Variants in UBE2E3 observed in about 807,000 individuals in gnomAD.
UBE2E3 encodes the protein ubiquitin-conjugating enzyme E2 E3.
Under a neutral mutation model 23.6 loss-of-function variants are expected in UBE2E3, and 5 were observed. The observed-to-expected ratio is 0.21, with a 90% CI of 0.11 to 0.44. The LOEUF is 0.44. Among genes scored for constraint, UBE2E3 ranks in the 20% least tolerant of loss-of-function variants. UBE2E3 has a pLI of 0.99. For synonymous variants in UBE2E3, 78 were observed against 87.5 expected, an observed-to-expected ratio of 0.89 and a Z score of 0.60; for missense variants, 81 against 249.8, an observed-to-expected ratio of 0.32 and a Z score of 4.55.
intron 3 of UBE2E3, among the ~76,000 whole-genome samples, chr2:181,022,983 G>C (rs1685756021): frequency 6.6e-6 from 1 of 152,230 alleles, no homozygotes; most frequent in Admixed American, 6.5e-5. Flanking sequence ...TAATAAACCA[G>C]ATAGTCCCCG....
At chr2:180,983,376 TC>T (rs1684361762) in intron 2 of UBE2E3, among the ~76,000 whole-genome samples, 1 of 152,330 alleles carries the variant, frequency 6.6e-6, no homozygotes, top group African/African-American at 2.4e-5. Flanking sequence ...AGTTTTGAAA[TC>T]ATCTTAAATT....
chr2:181,018,259 C>T (rs1685556977), intron 3 of UBE2E3, among the ~76,000 whole-genome samples: 1 of 152,068 alleles, frequency 6.6e-6, no homozygotes, highest in Non-Finnish European at 1.5e-5. Context: ...GAGATTCTGT[C>T]CACCTTGGAG....
At chr2:181,010,429 C>G (rs1029132433) in intron 3 of UBE2E3, among the ~76,000 whole-genome samples, 1 of 152,094 alleles carries the variant, frequency 6.6e-6, no homozygotes, top group Non-Finnish European at 1.5e-5. Context: ...CTTATTGCAG[C>G]TGGCAGCATG....
intron 3 of UBE2E3, among the ~76,000 whole-genome samples, chr2:181,006,435 C>T (rs950499536): frequency 2.6e-5 from 4 of 151,108 alleles, no homozygotes; most frequent in Admixed American, 1.3e-4. Flanking sequence ...AAGGATACTA[C>T]TTCTGGATCT....
chr2:180,987,527 A>C, intron 3 of UBE2E3: 1 of 1,071,456 alleles, frequency 9.3e-7, no homozygotes, highest in Non-Finnish European at 1.3e-6. Context: ...TGTATTAATA[A>C]ATAGTTTCTT....
chr2:181,060,514 C>A, intron 4 of UBE2E3, 151 bp from the exon 5 acceptor site: 2 of 877,098 alleles, frequency 2.3e-6, no homozygotes, highest in Non-Finnish European at 3.1e-6. Flanking sequence ...GAGTCAAAAG[C>A]ATTTAATTTT....
chr2:181,009,389 C>T (rs1685248818), intron 3 of UBE2E3, among the ~76,000 whole-genome samples: 1 of 151,964 alleles, frequency 6.6e-6, no homozygotes, highest in African/African-American at 2.4e-5. Flanking sequence ...AGTTTTTACC[C>T]ATTCACATGC....
intron 3 of UBE2E3, among the ~76,000 whole-genome samples, chr2:181,050,551 AGT>A (rs1372501242): frequency 6.6e-6 from 1 of 151,948 alleles, no homozygotes; most frequent in Non-Finnish European, 1.5e-5. Flanking sequence ...AATCACCTTT[AGT>A]ACGTGATTAG....
intron 3 of UBE2E3, among the ~76,000 whole-genome samples, chr2:181,035,954 C>T (rs576297899): frequency 6.6e-6 from 1 of 152,214 alleles, no homozygotes; most frequent in Admixed American, 6.5e-5. Context: ...AGTAAGCCTC[C>T]AATGTGGTAA....
At chr2:181,025,403 A>ATT (rs11456321) in intron 3 of UBE2E3, among the ~76,000 whole-genome samples, 1 of 151,534 alleles carries the variant, frequency 6.6e-6, no homozygotes, top group Non-Finnish European at 1.5e-5. Flanking sequence ...GATATTATCT[A>ATT]TTTTTTCCCT....
chr2:181,026,250 A>G (rs990948433), intron 3 of UBE2E3, among the ~76,000 whole-genome samples: 6 of 151,938 alleles, frequency 3.9e-5, no homozygotes, highest in Non-Finnish European at 8.8e-5. Context: ...CAGAAAAACC[A>G]GTTGTTTAGT....
At chr2:181,022,666 A>G (rs1209904516) in intron 3 of UBE2E3, among the ~76,000 whole-genome samples, 1 of 152,002 alleles carries the variant, frequency 6.6e-6, no homozygotes, top group Admixed American at 6.5e-5. Context: ...ATTTCAAACA[A>G]TGAAATTACT....
intron 3 of UBE2E3, among the ~76,000 whole-genome samples, chr2:181,034,549 G>C (rs1245873958): frequency 6.6e-6 from 1 of 152,144 alleles, no homozygotes; most frequent in Non-Finnish European, 1.5e-5. Context: ...AGCGGGGAGA[G>C]ATAGCATTAG....
intron 4 of UBE2E3, 95 bp from the exon 5 acceptor site, chr2:181,060,570 A>G (rs1159814701): frequency 2.7e-6 from 3 of 1,124,920 alleles, no homozygotes; most frequent in Non-Finnish European, 2.4e-6. Context: ...ATAATTTAGT[A>G]TCATCTATGA....
intron 3 of UBE2E3, among the ~76,000 whole-genome samples, chr2:181,004,605 T>C (rs6717895): frequency 0.23 from 35,318 of 151,966 alleles, 4,472 homozygotes; most frequent in Non-Finnish European, 0.28. Context: ...CGCACCCCAG[T>C]CTGGCGAAGA....
chr2:181,012,662 G>A (rs1158217683), intron 3 of UBE2E3, among the ~76,000 whole-genome samples: 1 of 152,156 alleles, frequency 6.6e-6, no homozygotes, highest in Non-Finnish European at 1.5e-5. Flanking sequence ...AGTATATTCT[G>A]TGTAAACTAA....
At position 180,996,311 on chromosome 2, in the gene UBE2E3, GA is replaced by G. The variant is rs1470631937; in HGVS notation, c.245+12219del. Among the ~76,000 whole-genome samples the G allele has an allele frequency of 9.8e-5, 15 of 152,290 alleles. 1 individual carries two copies. The highest frequency in any genetic ancestry group is 9.2e-4 in the Admixed American group (14 of 15,296). ...CTAGCCACTTCCTTGTCAGTTGTCA[GA>G]GATAATTAAGTCTTGGCATTAGGAG... is the stretch of plus-strand genomic sequence containing the variant. On this transcript the variant is annotated intron_variant, in intron 3 of 5. Coordinates refer to ENST00000410062, the MANE Select transcript of UBE2E3 (RefSeq NM_006357.4).
intron 3 of UBE2E3, among the ~76,000 whole-genome samples, chr2:180,997,341 A>T (rs1052670171): frequency 6.6e-6 from 1 of 151,354 alleles, no homozygotes; most frequent in African/African-American, 2.4e-5. Flanking sequence ...TAGAAAGGTC[A>T]TTTGGTAATA....
chr2:180,999,408 A>G (rs1684929288), intron 3 of UBE2E3, among the ~76,000 whole-genome samples: 1 of 152,178 alleles, frequency 6.6e-6, no homozygotes, highest in Non-Finnish European at 1.5e-5. Context: ...ATTCACAAAT[A>G]CACATCTGTT....
Sources: allele counts gnomAD v4.1 joint callset (sites outside exome capture counted in the v4.1 genomes callset), GRCh38; gene constraint gnomAD v4.1.1; transcripts MANE v1.5; gene names NCBI Gene and HGNC (gene_info 2026-07-23, HGNC 2026-07-21).